KDM4C: variants seen among roughly 807,000 people sequenced by gnomAD.
The protein encoded by KDM4C is lysine-specific demethylase 4C.
KDM4C carries 81 observed loss-of-function variants against 129.3 expected under a neutral mutation model. The ratio of observed to expected loss-of-function variants is 0.63; its 90% CI spans 0.52 to 0.75. The LOEUF is 0.75. Ranked by LOEUF, KDM4C falls within the 30% of genes least tolerant of loss-of-function variation. The probability of loss-of-function intolerance (pLI) is 0.00; values close to 1 mark genes in which losing one functional copy is unlikely to be tolerated. For missense variants in KDM4C, 1,457 were observed against 1,304.0 expected (o/e 1.12, Z -1.81); for synonymous variants, 573 against 456.1 (o/e 1.26, Z -3.26).
chr9:7,006,215 A>T (rs188050474), intron 12 of KDM4C, among the ~76,000 whole-genome samples: 1 of 152,338 alleles, frequency 6.6e-6, no homozygotes, highest in East Asian at 1.9e-4. Flanking sequence ...ATGTCTTAAG[A>T]TACTCAAAGT....
chr9:6,801,828 G>A (rs2130977691), intron 2 of KDM4C, among the ~76,000 whole-genome samples: 1 of 152,240 alleles, frequency 6.6e-6, no homozygotes, highest in South Asian at 2.1e-4. Flanking sequence ...CAGTGAGCTG[G>A]GCGCGGTGGC....
chr9:7,065,492 C>G (rs1832296633), intron 17 of KDM4C, among the ~76,000 whole-genome samples: 1 of 151,692 alleles, frequency 6.6e-6, no homozygotes, highest in African/African-American at 2.4e-5. Flanking sequence ...TTGGACAAAG[C>G]AAAAAAGTAT....
At chr9:7,112,867 C>T (rs1341313560) in intron 18 of KDM4C, among the ~76,000 whole-genome samples, 1 of 152,274 alleles carries the variant, frequency 6.6e-6, no homozygotes, top group Non-Finnish European at 1.5e-5. Flanking sequence ...TCTCTAAGAT[C>T]CTGGGTGTCT....
intron 8 of KDM4C, among the ~76,000 whole-genome samples, chr9:6,918,486 T>C (rs1346151161): frequency 6.6e-6 from 1 of 152,140 alleles, no homozygotes; most frequent in East Asian, 1.9e-4. Context: ...GAATATAGAG[T>C]GCATGTGTCT....
At chr9:7,115,643 G>C (rs557014351) in intron 18 of KDM4C, among the ~76,000 whole-genome samples, 2 of 152,148 alleles carry the variant, frequency 1.3e-5, no homozygotes, top group Non-Finnish European at 2.9e-5. Flanking sequence ...TTAACTGCAA[G>C]CAATAGAAAA....
At chr9:6,933,815 CA>C (rs1389916488) in intron 8 of KDM4C, among the ~76,000 whole-genome samples, 1 of 141,918 alleles carries the variant, frequency 7.0e-6, no homozygotes, top group African/African-American at 2.5e-5. Context: ...TTTTGAATTG[CA>C]TTTTTTTCCA....
chr9:6,905,189 T>C (rs1818102540), intron 8 of KDM4C, among the ~76,000 whole-genome samples: 3 of 152,204 alleles, frequency 2.0e-5, no homozygotes, highest in Admixed American at 6.5e-5. Context: ...ATAGTATATA[T>C]AGTTAACGAG....
At position 6,762,342 on chromosome 9, in the gene KDM4C, A is replaced by G. The variant is rs1286706622; in HGVS notation, c.-18+4139A>G. 2.6e-5 allele frequency among the ~76,000 whole-genome samples: 4 copies of G among 151,234 alleles called. No homozygotes were observed. The South Asian group carries it at 8.4e-4, about 32-fold the overall frequency. Reference sequence around the variant, plus strand: ...CCTTCTTTTCTTTTTCAGTTAAAAAAATTTCTGTTTGTAGAGATGGGGTCT... The same window carrying G: ...CCTTCTTTTCTTTTTCAGTTAAAAAGATTTCTGTTTGTAGAGATGGGGTCT... On this transcript the variant is annotated intron_variant, in intron 1 of 21. Transcript: ENST00000381309.
chr9:6,885,241 C>G (rs1455916126), intron 6 of KDM4C, among the ~76,000 whole-genome samples: 1 of 152,226 alleles, frequency 6.6e-6, no homozygotes, highest in Non-Finnish European at 1.5e-5. Flanking sequence ...TTTACCTTTT[C>G]TAAAGTGTCA....
intron 12 of KDM4C, among the ~76,000 whole-genome samples, chr9:6,997,877 T>A (rs748243176): frequency 6.6e-6 from 1 of 152,258 alleles, no homozygotes; most frequent in Non-Finnish European, 1.5e-5. Context: ...CTTTTACTTA[T>A]AACTCTTCAA....
chr9:6,749,504 A>T (rs1304412778), intron 1 of KDM4C, among the ~76,000 whole-genome samples: 1 of 152,112 alleles, frequency 6.6e-6, no homozygotes, highest in Admixed American at 6.6e-5. Flanking sequence ...TCTACAAAAA[A>T]TAAATTAAAA....
chr9:6,754,551 C>T (rs570106326), upstream of KDM4C, among the ~76,000 whole-genome samples: 1 of 152,106 alleles, frequency 6.6e-6, no homozygotes, highest in Admixed American at 6.6e-5. Context: ...TGTACTTCAA[C>T]AGATTCAAAA....
At chr9:7,088,205 G>A (rs759859980) in intron 17 of KDM4C, among the ~76,000 whole-genome samples, 3 of 152,148 alleles carry the variant, frequency 2.0e-5, no homozygotes, top group Non-Finnish European at 4.4e-5. Context: ...TGTCTGCCTC[G>A]GAAGGACCCT....
intron 17 of KDM4C, among the ~76,000 whole-genome samples, chr9:7,103,471 T>C (rs1320955869): frequency 6.6e-6 from 1 of 152,208 alleles, no homozygotes; most frequent in East Asian, 1.9e-4. Context: ...TGTCTGGCAG[T>C]CTGTGACCGT....
At chr9:7,167,435 A>C (rs1294555949) in intron 20 of KDM4C, among the ~76,000 whole-genome samples, 1 of 152,228 alleles carries the variant, frequency 6.6e-6, no homozygotes, top group African/African-American at 2.4e-5. Context: ...TCTAAAACAA[A>C]TGAAAGTAGG....
At chr9:7,038,063 G>GTTA (rs1827954303) in intron 15 of KDM4C, among the ~76,000 whole-genome samples, 1 of 152,046 alleles carries the variant, frequency 6.6e-6, no homozygotes, top group Admixed American at 6.6e-5. Context: ...TTGGAAAGAA[G>GTTA]TTATAGTACA....
At chr9:7,162,372 G>A (rs539602921) in intron 19 of KDM4C, among the ~76,000 whole-genome samples, 3 of 152,346 alleles carry the variant, frequency 2.0e-5, no homozygotes, top group African/African-American at 7.2e-5. Flanking sequence ...AGGAGGCTGA[G>A]CAGTAAGTGG....
At chr9:7,093,690 A>G (rs1836080023) in intron 17 of KDM4C, among the ~76,000 whole-genome samples, 1 of 152,244 alleles carries the variant, frequency 6.6e-6, no homozygotes, top group Non-Finnish European at 1.5e-5. Flanking sequence ...TACAGAGGAG[A>G]CAATTTTGTT....
chr9:6,830,739 C>T (rs185347072), intron 4 of KDM4C, among the ~76,000 whole-genome samples: 2 of 152,226 alleles, frequency 1.3e-5, no homozygotes, highest in Non-Finnish European at 2.9e-5. Context: ...GAAAATGAGG[C>T]CACTGGAAGT....
Sources: allele counts gnomAD v4.1 joint callset (sites outside exome capture counted in the v4.1 genomes callset), GRCh38; gene constraint gnomAD v4.1.1; transcripts MANE v1.5; gene names NCBI Gene and HGNC (gene_info 2026-07-23, HGNC 2026-07-21).